ATF7: variants seen among roughly 807,000 people sequenced by gnomAD.
The protein encoded by ATF7 is activating transcription factor 7, also known as cyclic AMP-dependent transcription factor ATF-7.
A neutral mutation model predicts 50.4 loss-of-function variants in ATF7; 10 were observed. The ratio of observed to expected loss-of-function variants is 0.20; its 90% CI spans 0.12 to 0.34. The LOEUF is 0.34. Among genes scored for constraint, ATF7 ranks in the 10% least tolerant of loss-of-function variants. The pLI is 1.00. For missense variants in ATF7, 465 were observed against 613.9 expected (o/e 0.76, Z 2.56); for synonymous variants, 201 against 226.4 (o/e 0.89, Z 1.01).
At chr12:53,532,394 CCTTAG>C in intron 8 of ATF7, 111 bp downstream of exon 8, 1 of 782,316 alleles carries the variant, frequency 1.3e-6, no homozygotes, top group Admixed American at 2.7e-5. Context: ...AGCAGGGAGT[CCTTAG>C]CTTTGCAAGC....
In ATF7 at chr12:53,596,444, G is replaced by T. The variant is rs561902709; in HGVS notation, c.48+4509C>A. ...ATGCGTTCCTGTTTTTAAGGAAATT[G>T]ACATTCTGATAAGCTGATATGACCA... On this transcript the variant is annotated intron_variant, in intron 2 of 11. Transcript: ENST00000420353. 1.7e-4 allele frequency among the ~76,000 whole-genome samples: 26 copies of T among 152,258 alleles called. No homozygotes were observed. In the South Asian group the frequency reaches 5.0e-3, roughly 29 times the overall value.
intron 2 of ATF7, among the ~76,000 whole-genome samples, chr12:53,565,113 A>G (rs1392645652): frequency 6.6e-6 from 1 of 152,078 alleles, no homozygotes; most frequent in Non-Finnish European, 1.5e-5. Flanking sequence ...CTTCCTCCTG[A>G]CAAATGTGAA....
intron 2 of ATF7, among the ~76,000 whole-genome samples, chr12:53,574,279 G>A (rs1046233811): frequency 1.4e-4 from 21 of 152,156 alleles, no homozygotes; most frequent in African/African-American, 2.4e-5. Context: ...ACACATGGAG[G>A]TGCAGGAGTG....
chr12:53,542,495 T>C (rs12321366), intron 4 of ATF7, among the ~76,000 whole-genome samples: 5,772 of 151,958 alleles, frequency 0.038, 312 homozygotes, highest in African/African-American at 0.12. Flanking sequence ...GGTGCAATCA[T>C]AGCTCACTGC....
intron 2 of ATF7, among the ~76,000 whole-genome samples, chr12:53,592,984 C>T (rs79692393): frequency 0.032 from 4,849 of 152,082 alleles, 266 homozygotes; most frequent in African/African-American, 0.11. Flanking sequence ...AACCAAATGT[C>T]GACTAGCACT....
At chr12:53,523,009 T>G (rs996318384) in intron 11 of ATF7, 8 of 338,124 alleles carry the variant, frequency 2.4e-5, no homozygotes, top group Non-Finnish European at 3.8e-5. Context: ...CATGAGAGAC[T>G]TGGGAAGACT....
At chr12:53,533,028 A>C (rs1592803772) in intron 7 of ATF7, 132 bp downstream of exon 7, 1 of 766,802 alleles carries the variant, frequency 1.3e-6, no homozygotes, top group South Asian at 1.7e-5. Flanking sequence ...GAGTTTAGGC[A>C]GGCTGCCATG....
intron 1 of ATF7, among the ~76,000 whole-genome samples, chr12:53,619,813 G>GA (rs879574506): frequency 7.4e-4 from 105 of 142,266 alleles, no homozygotes; most frequent in South Asian, 1.1e-3. Context: ...CCCTGCCTCA[G>GA]AAAAAAAAAA....
At chr12:53,615,951 AT>A (rs1944100166) in intron 1 of ATF7, among the ~76,000 whole-genome samples, 1 of 152,144 alleles carries the variant, frequency 6.6e-6, no homozygotes, top group African/African-American at 2.4e-5. Context: ...GTTGTGCCCT[AT>A]TTTTCAATCT....
intron 2 of ATF7, among the ~76,000 whole-genome samples, chr12:53,585,268 G>A (rs1942621158): frequency 6.6e-6 from 1 of 152,184 alleles, no homozygotes; most frequent in Admixed American, 6.5e-5. Context: ...GAACCACTGT[G>A]CCCGGCCTCA....
chr12:53,519,530 C>T (rs553872853), intron 11 of ATF7, among the ~76,000 whole-genome samples: 3 of 151,952 alleles, frequency 2.0e-5, no homozygotes, highest in African/African-American at 7.2e-5. Flanking sequence ...GGTGAAACCC[C>T]GTCTCTACTA....
At chr12:53,546,728 G>T (rs1939944579) in intron 3 of ATF7, among the ~76,000 whole-genome samples, 1 of 151,562 alleles carries the variant, frequency 6.6e-6, no homozygotes, top group Non-Finnish European at 1.5e-5. Flanking sequence ...GGGATTACAG[G>T]CATGAGCCAC....
At chr12:53,536,760 C>A (rs922611469) in intron 5 of ATF7, among the ~76,000 whole-genome samples, 3 of 152,096 alleles carry the variant, frequency 2.0e-5, no homozygotes, top group Non-Finnish European at 4.4e-5. Flanking sequence ...TGGTGGCACG[C>A]ACCTGTAGTC....
intron 2 of ATF7, chr12:53,574,742 A>G (rs1020547057): frequency 5.8e-6 from 1 of 172,018 alleles, no homozygotes; most frequent in East Asian, 1.8e-4. Context: ...TTGTCTCCTA[A>G]GACAATAAGT....
chr12:53,552,342 A>G (rs930993700), intron 3 of ATF7, among the ~76,000 whole-genome samples, 199 bp downstream of exon 3: 2 of 152,216 alleles, frequency 1.3e-5, no homozygotes, highest in African/African-American at 4.8e-5. Context: ...CACAGAACAC[A>G]ACCTTGTTAT....
At chr12:53,547,287 T>TG (rs1940005465) in intron 3 of ATF7, among the ~76,000 whole-genome samples, 1 of 138,788 alleles carries the variant, frequency 7.2e-6, no homozygotes, top group African/African-American at 2.7e-5. Context: ...CCCAGCCTTT[T>TG]TTTTTTTTTT....
chr12:53,556,244 T>G (rs1175868786), intron 2 of ATF7, among the ~76,000 whole-genome samples: 3 of 152,208 alleles, frequency 2.0e-5, no homozygotes, highest in Non-Finnish European at 2.9e-5. Context: ...GAAAACCGTA[T>G]TATAATATCA....
chr12:53,617,654 A>T (rs1220029857), intron 1 of ATF7, among the ~76,000 whole-genome samples: 3 of 151,916 alleles, frequency 2.0e-5, no homozygotes, highest in Non-Finnish European at 4.4e-5. Context: ...AAATAATAAT[A>T]AAAAAAAGAC....
rs200164879 is a variant in ATF7, at chr12:53,550,331, AAAATAAATAAAT to A, written c.145+2198_145+2209del. Among the ~76,000 whole-genome samples, 46 of 123,630 alleles carry A rather than the reference AAAATAAATAAAT, an allele frequency of 3.7e-4. 2 individuals carry two copies. The highest frequency in any genetic ancestry group is 1.3e-3 in the African/African-American group (41 of 30,400). The allele number at this position is 123,630 out of a possible 152,430, so 81.1% of individuals were successfully genotyped here. ...AGAGTGAGACCCTGTCTCAAAAAAAAAAATAAATAAATAAATAAATAAATAAATAAATAAATA... is the reference window on the plus strand; with the variant it reads ...AGAGTGAGACCCTGTCTCAAAAAAAAAAATAAATAAATAAATAAATAAATA... On this transcript the variant is annotated intron_variant, in intron 3 of 11. Transcript: ENST00000420353.
Sources: gnomAD v4.1 joint callset for allele counts (sites outside exome capture counted in the v4.1 genomes callset) on GRCh38, gnomAD v4.1.1 for gene constraint, MANE v1.5 for transcripts, NCBI Gene and HGNC (gene_info 2026-07-23, HGNC 2026-07-21) for gene names.